Variants in ADAM18 observed in about 807,000 individuals in gnomAD.
ADAM18 encodes the protein disintegrin and metalloproteinase domain-containing protein 18.
ADAM18 carries 117 observed loss-of-function variants against 94.4 expected under a neutral mutation model. The ratio of observed to expected loss-of-function variants is 1.24; its 90% CI spans 1.07 to 1.45. ADAM18 has a LOEUF of 1.45. Ranked by LOEUF, ADAM18 falls within the 40% of genes most tolerant of loss-of-function variation. ADAM18 has a pLI of 0.00. For missense variants in ADAM18, 936 were observed against 880.0 expected (o/e 1.06, Z -0.81); for synonymous variants, 327 against 291.6 (o/e 1.12, Z -1.24).
chr8:39,597,283 A>C (rs1359137799), intron 2 of ADAM18, among the ~76,000 whole-genome samples: 1 of 152,058 alleles, frequency 6.6e-6, no homozygotes, highest in Non-Finnish European at 1.5e-5. Flanking sequence ...GTTTTAATTA[A>C]ATCCAGTTTA....
chr8:39,674,804 GT>G (rs1180303568), intron 14 of ADAM18, among the ~76,000 whole-genome samples: 1 of 152,190 alleles, frequency 6.6e-6, no homozygotes, highest in African/African-American at 2.4e-5. Flanking sequence ...AGGAGCTCCT[GT>G]AAGGCAGGCC....
intron 18 of ADAM18, among the ~76,000 whole-genome samples, chr8:39,708,342 A>G (rs962784655): frequency 4.6e-5 from 7 of 152,346 alleles, no homozygotes; most frequent in Middle Eastern, 3.4e-3. Context: ...AACAAATGTC[A>G]TTCAACAAAA....
chr8:39,603,548 A>C (rs1195945779), intron 2 of ADAM18, among the ~76,000 whole-genome samples: 1 of 152,226 alleles, frequency 6.6e-6, no homozygotes. Flanking sequence ...AGTGGACTAC[A>C]GTATAGTGTA....
At chr8:39,607,623 C>T (rs968954356) in intron 3 of ADAM18, among the ~76,000 whole-genome samples, 7 of 152,070 alleles carry the variant, frequency 4.6e-5, no homozygotes, top group East Asian at 1.9e-4. Context: ...GTGTCTCCCC[C>T]GTAAAATACT....
chr8:39,649,363 T>TAC (rs1298440211), intron 12 of ADAM18, among the ~76,000 whole-genome samples: 1 of 151,102 alleles, frequency 6.6e-6, no homozygotes, highest in Non-Finnish European at 1.5e-5. Flanking sequence ...ACATATATAG[T>TAC]ACACACACAC....
chr8:39,640,073 T>C (rs1820193511), intron 10 of ADAM18, among the ~76,000 whole-genome samples: 2 of 152,210 alleles, frequency 1.3e-5, no homozygotes, highest in East Asian at 3.9e-4. Context: ...TGCAGGTTTG[T>C]TACCTAGTTA....
At chr8:39,671,233 G>A (rs1183460225) in intron 14 of ADAM18, among the ~76,000 whole-genome samples, 2 of 152,168 alleles carry the variant, frequency 1.3e-5, no homozygotes, top group Non-Finnish European at 2.9e-5. Context: ...CCTCATCACT[G>A]GTGGAAGTTG....
intron 17 of ADAM18, among the ~76,000 whole-genome samples, chr8:39,706,512 A>C (rs2129581311): frequency 6.6e-6 from 1 of 152,292 alleles, no homozygotes; most frequent in Middle Eastern, 3.4e-3. Flanking sequence ...CTACAACTTT[A>C]TTAAATCTTA....
chr8:39,637,224 CA>C (rs758521880), intron 7 of ADAM18, 39 bp from the exon 8 acceptor site: 2 of 1,433,392 alleles, frequency 1.4e-6, no homozygotes, highest in Non-Finnish European at 1.9e-6. Context: ...CACATGGATT[CA>C]AAATAATACT....
At chr8:39,705,708 A>G (rs1822222323) in intron 17 of ADAM18, among the ~76,000 whole-genome samples, 1 of 152,226 alleles carries the variant, frequency 6.6e-6, no homozygotes, top group African/African-American at 2.4e-5. Context: ...CTCTTTTGAT[A>G]TGTAGAAAAG....
chr8:39,668,337 T>C (rs1821053412), intron 14 of ADAM18, 141 bp downstream of exon 14: 3 of 773,416 alleles, frequency 3.9e-6, no homozygotes, highest in South Asian at 2.3e-5. Flanking sequence ...AGAAGAGTAG[T>C]TTTTTAAGAG....
intron 2 of ADAM18, among the ~76,000 whole-genome samples, chr8:39,595,663 A>G (rs1358347574): frequency 6.6e-6 from 1 of 151,960 alleles, no homozygotes; most frequent in African/African-American, 2.4e-5. Context: ...CTGGGATTAG[A>G]GGTGCACACC....
chr8:39,691,803 C>G (rs1821789854), intron 16 of ADAM18, among the ~76,000 whole-genome samples: 1 of 151,796 alleles, frequency 6.6e-6, no homozygotes, highest in South Asian at 2.1e-4. Flanking sequence ...TTATTTTTTG[C>G]TGAAATGCTC....
At chr8:39,648,594 T>G in intron 12 of ADAM18, 67 bp downstream of exon 12, 1 of 1,378,588 alleles carries the variant, frequency 7.3e-7, no homozygotes, top group Non-Finnish European at 9.9e-7. Flanking sequence ...GACATGTTTG[T>G]CATGGTATAT....
chr8:39,593,425 C>T (rs777785944), intron 2 of ADAM18, among the ~76,000 whole-genome samples: 5 of 151,936 alleles, frequency 3.3e-5, no homozygotes, highest in Non-Finnish European at 7.4e-5. Context: ...ACAAAATAAC[C>T]TCGAGTAGCC....
At chr8:39,671,174 A>G (rs1207864954) in intron 14 of ADAM18, among the ~76,000 whole-genome samples, 1 of 152,258 alleles carries the variant, frequency 6.6e-6, no homozygotes, top group African/African-American at 2.4e-5. Context: ...ACAGACTGAA[A>G]GATGAGTTTT....
At chr8:39,609,239 G>C in intron 4 of ADAM18, 119 bp downstream of exon 4, 1 of 805,402 alleles carries the variant, frequency 1.2e-6, no homozygotes, top group Admixed American at 3.0e-5. Context: ...ACTGACTTTT[G>C]TACATAGAAA....
At chr8:39,716,808 A>G (rs1433967004) in intron 18 of ADAM18, among the ~76,000 whole-genome samples, 1 of 151,826 alleles carries the variant, frequency 6.6e-6, no homozygotes, top group Non-Finnish European at 1.5e-5. Context: ...GAAGTCTCCT[A>G]CCATCATTGT....
intron 12 of ADAM18, among the ~76,000 whole-genome samples, chr8:39,652,849 T>C (rs189181543): frequency 6.6e-6 from 1 of 151,934 alleles, no homozygotes; most frequent in East Asian, 1.9e-4. Flanking sequence ...ATTCAGACTT[T>C]TTTAAAAGAA....
Sources: gnomAD v4.1 joint callset for allele counts (sites outside exome capture counted in the v4.1 genomes callset) on GRCh38, gnomAD v4.1.1 for gene constraint, MANE v1.5 for transcripts, NCBI Gene and HGNC (gene_info 2026-07-23, HGNC 2026-07-21) for gene names.